MYO3B: variants seen among roughly 807,000 people sequenced by gnomAD.
MYO3B encodes the protein myosin-IIIb.
A neutral mutation model predicts 174.6 loss-of-function variants in MYO3B; 156 were observed. That is an observed-to-expected ratio of 0.89 (90% CI 0.78 to 1.02). MYO3B has a LOEUF of 1.02. Ranked by LOEUF, MYO3B falls within the 50% of genes least tolerant of loss-of-function variation. The pLI is 0.00. For missense variants in MYO3B, 1,632 were observed against 1,639.4 expected, an observed-to-expected ratio of 1.00 and a Z score of 0.08; for synonymous variants, 563 against 569.1, an observed-to-expected ratio of 0.99 and a Z score of 0.15.
At chr2:170,325,605 A>G (rs1430293547) in intron 7 of MYO3B, among the ~76,000 whole-genome samples, 1 of 152,184 alleles carries the variant, frequency 6.6e-6, no homozygotes, top group East Asian at 1.9e-4. Flanking sequence ...CTAGAGGATG[A>G]GAAGTGATGT....
At chr2:170,627,802 T>C (rs6433227) in intron 32 of MYO3B, among the ~76,000 whole-genome samples, 5,530 of 152,322 alleles carry the variant, frequency 0.036, 329 homozygotes, top group African/African-American at 0.12. Flanking sequence ...TGTTGGAGTT[T>C]GTTGGAGGTC....
intron 32 of MYO3B, among the ~76,000 whole-genome samples, chr2:170,627,150 C>T (rs898854182): frequency 6.6e-6 from 1 of 152,164 alleles, no homozygotes; most frequent in African/African-American, 2.4e-5. Context: ...AGAGGGTTTT[C>T]CAGCTTGGTT....
intron 22 of MYO3B, among the ~76,000 whole-genome samples, chr2:170,432,637 C>A (rs944265553): frequency 6.6e-5 from 10 of 150,396 alleles, no homozygotes; most frequent in African/African-American, 2.4e-4. Flanking sequence ...AGTGCAGTGG[C>A]ACGATCTCGG....
chr2:170,382,904 G>T, intron 10 of MYO3B, 169 bp from the exon 11 acceptor site: 1 of 512,422 alleles, frequency 2.0e-6, no homozygotes, highest in Non-Finnish European at 3.5e-6. Flanking sequence ...GGCAAATATT[G>T]GCATTGTTTT....
chr2:170,638,109 TCACA>T (rs58917057), intron 32 of MYO3B, among the ~76,000 whole-genome samples: 2 of 150,414 alleles, frequency 1.3e-5, no homozygotes, highest in African/African-American at 4.9e-5. Context: ...TCTCTCTCTC[TCACA>T]CACACACACA....
chr2:170,310,078 G>A (rs1221307216), intron 7 of MYO3B, among the ~76,000 whole-genome samples: 1 of 152,170 alleles, frequency 6.6e-6, no homozygotes, highest in East Asian at 1.9e-4. Context: ...TATGCACATT[G>A]TAGCATGGAT....
At chr2:170,224,887 T>C (rs574915947) in intron 6 of MYO3B, among the ~76,000 whole-genome samples, 1 of 152,360 alleles carries the variant, frequency 6.6e-6, no homozygotes, top group East Asian at 1.9e-4. Flanking sequence ...CTTACACTAA[T>C]GCAGAAATAT....
intron 32 of MYO3B, among the ~76,000 whole-genome samples, chr2:170,607,761 T>C (rs1228312819): frequency 6.6e-6 from 1 of 152,248 alleles, no homozygotes; most frequent in African/African-American, 2.4e-5. Context: ...TATTCATAAA[T>C]GCAATATTAT....
At chr2:170,620,826 G>A (rs1462934352) in intron 32 of MYO3B, among the ~76,000 whole-genome samples, 3 of 152,236 alleles carry the variant, frequency 2.0e-5, no homozygotes, top group Non-Finnish European at 2.9e-5. Context: ...GTCAGGAAGC[G>A]ACTCTGTCCT....
intron 30 of MYO3B, among the ~76,000 whole-genome samples, chr2:170,540,718 G>A (rs527492698): frequency 1.3e-5 from 2 of 152,214 alleles, no homozygotes; most frequent in East Asian, 1.9e-4. Flanking sequence ...TAAAGGAGTT[G>A]AGGAAGTTAG....
intron 21 of MYO3B, among the ~76,000 whole-genome samples, chr2:170,407,314 A>G (rs1178369698): frequency 2.0e-5 from 3 of 151,970 alleles, no homozygotes; most frequent in Admixed American, 6.6e-5. Flanking sequence ...ACAAAAAATT[A>G]TCTGGGCGTG....
chr2:170,275,895 G>T (rs886181924), intron 7 of MYO3B, among the ~76,000 whole-genome samples: 1 of 152,152 alleles, frequency 6.6e-6, no homozygotes, highest in Non-Finnish European at 1.5e-5. Flanking sequence ...TCTGCATATA[G>T]TTATAGTGGT....
Position 170,331,201 on chromosome 2 carries a change from G to C in MYO3B, c.750-4184G>C, listed in dbSNP as rs1440071636. On this transcript the variant is annotated intron_variant, in intron 7 of 34. Coordinates refer to ENST00000408978, the MANE Select transcript of MYO3B (RefSeq NM_138995.5). ...AGGTGATTTAAGATGAAATCAAGTA[G>C]ACAGGTAGGTGGCAGGCAAGACCAT... Among the ~76,000 whole-genome samples the C allele has an allele frequency of 2.6e-5, 4 of 152,222 alleles. No individual in the cohort carries two copies. The East Asian group carries it at 7.7e-4, about 29-fold the overall frequency.
At position 170,551,382 on chromosome 2, in the gene MYO3B, T is replaced by TTATTTATCTATC. The variant is rs1198701361; in HGVS notation, c.3733+7399_3733+7400insATCTATCTATTT. ...TTTATTTATTTATTTATTTATTTAT[T>TTATTTATCTATC]TATTTTTAGGTGGAGTCTTACTCTG... On this transcript the variant is annotated intron_variant, in intron 32 of 34. Coordinates refer to ENST00000408978, the MANE Select transcript of MYO3B (RefSeq NM_138995.5). Among the ~76,000 whole-genome samples, 214 of 138,766 alleles carry TTATTTATCTATC rather than the reference T, an allele frequency of 1.5e-3. 2 individuals carry two copies. Among genetic ancestry groups the TTATTTATCTATC allele is most frequent in the Admixed American group, 0.013 (185 of 13,718 alleles). 91.0% of individuals were successfully genotyped at this position (138,766 alleles called of 152,430 possible). A position where few individuals can be genotyped will look rare whatever the true frequency, so the allele number is the denominator to read the frequency against.
chr2:170,628,553 C>T (rs1696666281), intron 32 of MYO3B, among the ~76,000 whole-genome samples: 1 of 152,212 alleles, frequency 6.6e-6, no homozygotes, highest in Admixed American at 6.5e-5. Context: ...CACCCACCGT[C>T]CGACAAGCCC....
chr2:170,409,063 T>G (rs1276849301), intron 22 of MYO3B, among the ~76,000 whole-genome samples: 1 of 152,222 alleles, frequency 6.6e-6, no homozygotes, highest in Admixed American at 6.5e-5. Context: ...CAGCCATTAT[T>G]GATAGGGGAC....
intron 28 of MYO3B, among the ~76,000 whole-genome samples, chr2:170,512,503 C>T (rs1688043771): frequency 6.6e-6 from 1 of 152,104 alleles, no homozygotes; most frequent in African/African-American, 2.4e-5. Context: ...CTTTGCCAGG[C>T]CCATTATGAG....
intron 7 of MYO3B, chr2:170,332,265 T>A (rs2093917024): frequency 6.6e-6 from 1 of 152,018 alleles, no homozygotes; most frequent in Non-Finnish European, 1.5e-5. Context: ...TAGTAAGTAG[T>A]CAGATGCACC....
At chr2:170,439,650 TTTC>T (rs1431409543) in intron 22 of MYO3B, among the ~76,000 whole-genome samples, 1 of 152,134 alleles carries the variant, frequency 6.6e-6, no homozygotes, top group Non-Finnish European at 1.5e-5. Flanking sequence ...TTATGAAGCT[TTTC>T]TCCTATGTTT....
Sources: gnomAD v4.1 joint callset for allele counts (sites outside exome capture counted in the v4.1 genomes callset) on GRCh38, gnomAD v4.1.1 for gene constraint, MANE v1.5 for transcripts, NCBI Gene and HGNC (gene_info 2026-07-23, HGNC 2026-07-21) for gene names.